Variants in NEIL3 observed in about 807,000 individuals in gnomAD.
NEIL3 encodes the protein nei like DNA glycosylase 3.
Under a neutral mutation model 57.5 loss-of-function variants are expected in NEIL3, and 48 were observed. The ratio of observed to expected loss-of-function variants is 0.83; its 90% CI spans 0.66 to 1.06. NEIL3 has a LOEUF of 1.06. NEIL3 is among the 50% of genes least tolerant of loss of function. The pLI, the probability that NEIL3 is intolerant of heterozygous loss-of-function variation, is 0.00. For missense variants in NEIL3, 717 were observed against 739.1 expected (o/e 0.97, Z 0.35); for synonymous variants, 261 against 253.2 (o/e 1.03, Z -0.29).
chr4:177,330,010 C>T (rs1055687825), intron 2 of NEIL3, among the ~76,000 whole-genome samples: 6 of 152,142 alleles, frequency 3.9e-5, no homozygotes, highest in Admixed American at 2.0e-4. Context: ...CTCCCGGGTT[C>T]AAGTGATTCT....
intron 2 of NEIL3, 120 bp downstream of exon 2, chr4:177,322,700 C>G: frequency 1.8e-6 from 2 of 1,110,352 alleles, no homozygotes; most frequent in East Asian, 2.4e-5. Flanking sequence ...TTTAAGAGAG[C>G]TCCAATATGA....
downstream of NEIL3, among the ~76,000 whole-genome samples, chr4:177,364,171 A>C (rs1735661349): frequency 1.3e-5 from 2 of 148,674 alleles, no homozygotes; most frequent in Admixed American, 1.3e-4. Flanking sequence ...ACTTAATTCT[A>C]TTATGATAAA....
intron 6 of NEIL3, among the ~76,000 whole-genome samples, chr4:177,348,857 A>ATTTTTT: frequency 1.3e-5 from 1 of 77,258 alleles, no homozygotes; most frequent in African/African-American, 5.1e-5. Context: ...GTGGCTCATG[A>ATTTTTT]ATTTTTTTTT....
At chr4:177,314,010 C>T (rs1188314037) in intron 1 of NEIL3, among the ~76,000 whole-genome samples, 3 of 152,108 alleles carry the variant, frequency 2.0e-5, no homozygotes, top group African/African-American at 7.2e-5. Flanking sequence ...GGAAAAAAAT[C>T]GTGGCTCATT....
At chr4:177,335,169 G>A (rs1009891957) in intron 2 of NEIL3, among the ~76,000 whole-genome samples, 1 of 152,266 alleles carries the variant, frequency 6.6e-6, no homozygotes, top group South Asian at 2.1e-4. Flanking sequence ...GGGGGGAAAA[G>A]AGCATCTTAA....
At chr4:177,362,962 G>A (rs1169634635), downstream of NEIL3, 1 of 152,114 alleles carries the variant, frequency 6.6e-6, no homozygotes, top group African/African-American at 2.4e-5. Context: ...TTAAAATTCT[G>A]TTCAACCAAC....
chr4:177,323,285 C>T (rs1442200165), intron 2 of NEIL3, among the ~76,000 whole-genome samples: 1 of 152,154 alleles, frequency 6.6e-6, no homozygotes, highest in African/African-American at 2.4e-5. Flanking sequence ...AAGCTTTTGC[C>T]AACTGTAAAA....
chr4:177,310,270 G>C (rs1734452143), intron 1 of NEIL3, among the ~76,000 whole-genome samples, 161 bp downstream of exon 1: 1 of 152,228 alleles, frequency 6.6e-6, no homozygotes, highest in South Asian at 2.1e-4. Flanking sequence ...GTAGGGAGAA[G>C]TCGGTCCTAG....
At chr4:177,353,765 CTTTTTTTTT>C (rs377620463) in intron 8 of NEIL3, 37 bp downstream of exon 8, 2 of 1,085,986 alleles carry the variant, frequency 1.8e-6, no homozygotes, top group African/African-American at 3.5e-5. Context: ...AAGATAATTG[CTTTTTTTTT>C]TTTTTTTTTA....
intron 7 of NEIL3, among the ~76,000 whole-genome samples, chr4:177,351,874 C>T (rs889209986): frequency 4.6e-5 from 7 of 152,240 alleles, no homozygotes; most frequent in African/African-American, 1.2e-4. Flanking sequence ...CAGCAACTTT[C>T]GAGTTTGTTA....
At chr4:177,353,869 G>A (rs1173507905) in intron 8 of NEIL3, 141 bp downstream of exon 8, 4 of 695,210 alleles carry the variant, frequency 5.8e-6, no homozygotes, top group African/African-American at 3.7e-5. Flanking sequence ...GCGTTCAAGC[G>A]ATTCTCCTGC....
At chr4:177,338,252 C>T (rs1735017170) in intron 4 of NEIL3, among the ~76,000 whole-genome samples, 1 of 152,062 alleles carries the variant, frequency 6.6e-6, no homozygotes, top group African/African-American at 2.4e-5. Flanking sequence ...ATTAGATTTT[C>T]ACTTCTATAG....
At chr4:177,328,087 A>C (rs757118748) in intron 2 of NEIL3, among the ~76,000 whole-genome samples, 9 of 152,338 alleles carry the variant, frequency 5.9e-5, no homozygotes, top group Admixed American at 1.3e-4. Flanking sequence ...ATATTCCAGA[A>C]ACATTTGTGT....
intron 1 of NEIL3, among the ~76,000 whole-genome samples, chr4:177,321,338 G>A (rs891573130): frequency 8.5e-5 from 13 of 152,070 alleles, no homozygotes; most frequent in South Asian, 2.1e-4. Flanking sequence ...GAGTTAATGC[G>A]TAGATGTAAT....
intron 5 of NEIL3, 132 bp downstream of exon 5, chr4:177,339,989 A>G (rs141459370): frequency 7.9e-6 from 5 of 632,526 alleles, no homozygotes; most frequent in South Asian, 7.7e-5. Flanking sequence ...AGGGAGAGTG[A>G]CATTATGTGG....
Position 177,353,524 on chromosome 4 carries a change from C to G in NEIL3, c.1256C>G (p.Ser419Cys). The change falls in exon 8 of 10, where the codon TCT becomes TGT. Residue 419 changes from serine to cysteine, a missense_variant. Transcript: ENST00000264596. ...ATACTAGATGAGGAGTTTCAAAACTCTCCTCCTGCTAGTGTTTGTTTGAAT... is the reference window on the plus strand; with the variant it reads ...ATACTAGATGAGGAGTTTCAAAACTGTCCTCCTGCTAGTGTTTGTTTGAAT... ...NQILDEEFQN[S>C]PPASVCLNDI... 1.2e-6 allele frequency: 2 copies of G among 1,613,170 alleles called. No homozygotes were observed. The highest frequency in any genetic ancestry group is 1.7e-4 in the Middle Eastern group (1 of 6,058).
intron 8 of NEIL3, among the ~76,000 whole-genome samples, chr4:177,358,481 A>G: frequency 6.6e-6 from 1 of 151,754 alleles, no homozygotes; most frequent in East Asian, 1.9e-4. Context: ...CTAATTTTCT[A>G]TTTTTAGTCG....
At chr4:177,369,749 T>C in the NEIL3 span, among the ~76,000 whole-genome samples, 2 of 152,176 alleles carry the variant, frequency 1.3e-5, no homozygotes, top group East Asian at 3.9e-4. Context: ...TCTCAATGTT[T>C]GAAGTTTTGG....
chr4:177,353,481 AAAAC>A lies in NEIL3; in HGVS notation c.1217_1220del (p.Thr406SerfsTer6), dbSNP rs748340125. ...CAATAAATCCAGTACTTTGGAAAGA[AAAAC>A]AAAGCAAAACCAGATACTAGATGAG... On this transcript the variant is annotated frameshift_variant, in exon 8 of 10. Transcript: ENST00000264596. LOFTEE classifies it high-confidence loss of function. The A allele has an allele frequency of 3.2e-5, 51 of 1,613,880 alleles. No individual in the cohort carries two copies. The African/African-American group carries it at 6.0e-4, about 19-fold the overall frequency.
Sources: gnomAD v4.1 joint callset for allele counts (sites outside exome capture counted in the v4.1 genomes callset) on GRCh38, gnomAD v4.1.1 for gene constraint, MANE v1.5 for transcripts, NCBI Gene and HGNC (gene_info 2026-07-23, HGNC 2026-07-21) for gene names.